Variants in CNBD1 observed in about 807,000 individuals in gnomAD.
CNBD1 encodes the protein cyclic nucleotide binding domain containing 1, also known as cyclic nucleotide-binding domain-containing protein 1.
In CNBD1, 71 loss-of-function variants were observed where a neutral mutation model predicts 54.4. The observed-to-expected ratio is 1.30, with a 90% CI of 1.08 to 1.59. CNBD1 has a LOEUF of 1.59. Ranked by LOEUF, CNBD1 falls within the 40% of genes most tolerant of loss-of-function variation. The pLI is 0.00. For synonymous variants in CNBD1, 182 were observed against 170.7 expected, an observed-to-expected ratio of 1.07 and a Z score of -0.51; for missense variants, 659 against 518.0, an observed-to-expected ratio of 1.27 and a Z score of -2.64.
chr8:86,908,144 C>G (rs2131811551), intron 3 of CNBD1, among the ~76,000 whole-genome samples: 1 of 152,232 alleles, frequency 6.6e-6, no homozygotes, highest in South Asian at 2.1e-4. Context: ...ATGTTAAGTC[C>G]ATGTGGAGCA....
chr8:87,331,821 G>A (rs935867843), intron 8 of CNBD1, among the ~76,000 whole-genome samples: 2 of 152,078 alleles, frequency 1.3e-5, no homozygotes, highest in African/African-American at 2.4e-5. Context: ...TAGTGATGTC[G>A]AGCTTTTTTT....
Position 87,081,641 on chromosome 8 carries a change from G to T in CNBD1, c.432-124352G>T, listed in dbSNP as rs555135569. 6.6e-5 allele frequency among the ~76,000 whole-genome samples: 10 copies of T among 151,866 alleles called. 1 individual carries two copies. The highest frequency in any genetic ancestry group is 5.9e-4 in the Admixed American group (9 of 15,248). ...CTGCCGCAGCCTCCTGAGTAGCTGG[G>T]ATAACAGGCGCGCCACCACACCCAG... On this transcript the variant is annotated intron_variant, in intron 4 of 10. Transcript: ENST00000518476.
intron 6 of CNBD1, among the ~76,000 whole-genome samples, chr8:87,279,089 T>C (rs895451804): frequency 6.6e-6 from 1 of 151,408 alleles, no homozygotes; most frequent in Non-Finnish European, 1.5e-5. Context: ...TAAAGTAAAC[T>C]TTATCATAGA....
At chr8:87,061,473 C>T (rs1432346046) in intron 4 of CNBD1, among the ~76,000 whole-genome samples, 1 of 152,220 alleles carries the variant, frequency 6.6e-6, no homozygotes, top group Non-Finnish European at 1.5e-5. Context: ...ATTCAATCCT[C>T]TGTCCCCACT....
chr8:87,020,176 G>A (rs190151186), intron 4 of CNBD1, among the ~76,000 whole-genome samples: 5 of 151,776 alleles, frequency 3.3e-5, no homozygotes, highest in South Asian at 2.1e-4. Context: ...GAAAAGGCAC[G>A]ATTAAAGACT....
At chr8:86,882,855 AT>A (rs1481531644) in intron 1 of CNBD1, among the ~76,000 whole-genome samples, 4 of 152,176 alleles carry the variant, frequency 2.6e-5, no homozygotes, top group African/African-American at 9.6e-5. Context: ...AAAGAATAAG[AT>A]TATGTCCTTC....
At chr8:87,398,549 T>C (rs1454082075) in intron 2 of CNBD1, among the ~76,000 whole-genome samples, 2 of 152,008 alleles carry the variant, frequency 1.3e-5, no homozygotes, top group Admixed American at 1.3e-4. Context: ...TTTCAGCATA[T>C]TTTCACTCTC....
intron 6 of CNBD1, among the ~76,000 whole-genome samples, chr8:87,259,337 A>T (rs1448646072): frequency 2.0e-5 from 3 of 152,136 alleles, no homozygotes; most frequent in African/African-American, 7.2e-5. Context: ...CCTAGGCCTT[A>T]TTTAGAATTT....
At chr8:87,195,428 A>G (rs1304150079) in intron 4 of CNBD1, among the ~76,000 whole-genome samples, 3 of 151,336 alleles carry the variant, frequency 2.0e-5, no homozygotes, top group Non-Finnish European at 4.4e-5. Flanking sequence ...GGGTTTCACC[A>G]TGTTGGCCAG....
chr8:87,278,895 C>G (rs1314446634), intron 6 of CNBD1, among the ~76,000 whole-genome samples: 2 of 151,434 alleles, frequency 1.3e-5, no homozygotes, highest in African/African-American at 4.8e-5. Flanking sequence ...CCTTGCCTTT[C>G]TGAGAAGTGG....
At chr8:87,106,996 T>A (rs1250484876) in intron 4 of CNBD1, among the ~76,000 whole-genome samples, 1 of 151,900 alleles carries the variant, frequency 6.6e-6, no homozygotes, top group Non-Finnish European at 1.5e-5. Context: ...GCCCGGCTAA[T>A]TTTTTGTATT....
At chr8:87,102,122 C>A (rs977163965) in intron 4 of CNBD1, among the ~76,000 whole-genome samples, 1 of 151,948 alleles carries the variant, frequency 6.6e-6, no homozygotes, top group South Asian at 2.1e-4. Context: ...CTCCTGACTT[C>A]GTGATCTGCC....
chr8:86,989,421 G>A (rs1320404463), intron 4 of CNBD1, among the ~76,000 whole-genome samples: 2 of 151,990 alleles, frequency 1.3e-5, no homozygotes, highest in Non-Finnish European at 2.9e-5. Context: ...AAATAGAATG[G>A]TAGTTTCTAG....
At chr8:86,870,955 T>A (rs549171661) in intron 1 of CNBD1, among the ~76,000 whole-genome samples, 1 of 152,318 alleles carries the variant, frequency 6.6e-6, no homozygotes, top group South Asian at 2.1e-4. Flanking sequence ...TTCAGAAGTA[T>A]TGAAAAATTT....
intron 6 of CNBD1, among the ~76,000 whole-genome samples, chr8:87,284,136 C>T (rs974525480): frequency 2.6e-5 from 4 of 151,998 alleles, no homozygotes; most frequent in African/African-American, 7.2e-5. Flanking sequence ...AATGTAGGTT[C>T]TCTGTGCAAC....
intron 7 of CNBD1, among the ~76,000 whole-genome samples, chr8:87,285,287 A>G (rs908226407): frequency 6.6e-6 from 1 of 152,190 alleles, no homozygotes; most frequent in Non-Finnish European, 1.5e-5. Context: ...GAGCTGCATG[A>G]ATAAGTGATA....
At chr8:87,149,579 A>G (rs946043963) in intron 4 of CNBD1, among the ~76,000 whole-genome samples, 2 of 152,142 alleles carry the variant, frequency 1.3e-5, no homozygotes, top group South Asian at 2.1e-4. Flanking sequence ...GTTGGTGGCT[A>G]CAGATAAACA....
At chr8:87,352,721 C>CA (rs1810330491) in intron 9 of CNBD1, among the ~76,000 whole-genome samples, 1 of 151,958 alleles carries the variant, frequency 6.6e-6, no homozygotes, top group South Asian at 2.1e-4. Flanking sequence ...CTAGAACAGG[C>CA]AAAAATATAT....
intron 5 of CNBD1, among the ~76,000 whole-genome samples, chr8:87,224,618 C>A (rs1320166531): frequency 3.3e-5 from 5 of 151,662 alleles, no homozygotes; most frequent in Non-Finnish European, 7.4e-5. Context: ...GTTTAGGTAC[C>A]AGTACCATGC....
Sources: gnomAD v4.1 joint callset for allele counts (sites outside exome capture counted in the v4.1 genomes callset) on GRCh38, gnomAD v4.1.1 for gene constraint, MANE v1.5 for transcripts, NCBI Gene and HGNC (gene_info 2026-07-23, HGNC 2026-07-21) for gene names.